Variants in FAM124A observed in about 807,000 individuals in gnomAD.
The protein encoded by FAM124A is family with sequence similarity 124 member A, also known as protein FAM124A.
Under a neutral mutation model 24.5 loss-of-function variants are expected in FAM124A, and 23 were observed. The ratio of observed to expected loss-of-function variants is 0.94; its 90% CI spans 0.68 to 1.33. The LOEUF is 1.33. Ranked by LOEUF, FAM124A falls within the 40% of genes most tolerant of loss-of-function variation. The pLI is 0.00. For synonymous variants in FAM124A, 287 were observed against 314.7 expected (o/e 0.91, Z 0.93); for missense variants, 623 against 722.8 (o/e 0.86, Z 1.58).
At chr13:51,252,490 G>C in intron 3 of FAM124A, 3 of 463,690 alleles carry the variant, frequency 6.5e-6, no homozygotes, top group Non-Finnish European at 1.1e-5. Flanking sequence ...AAACACCCAT[G>C]ACTCCTGGGG....
At chr13:51,270,933 G>A (rs557873707) in intron 3 of FAM124A, among the ~76,000 whole-genome samples, 34 of 152,298 alleles carry the variant, frequency 2.2e-4, no homozygotes, top group Admixed American at 1.5e-3. Context: ...CATAGAAATG[G>A]GTGGAACTGA....
At chr13:51,233,550 G>A (rs993082016) in intron 2 of FAM124A, among the ~76,000 whole-genome samples, 2 of 151,848 alleles carry the variant, frequency 1.3e-5, no homozygotes, top group African/African-American at 4.8e-5. Context: ...GGGTACCGGG[G>A]TGGGGCGGGT....
At chr13:51,262,191 GCCA>G (rs1405050515) in intron 3 of FAM124A, among the ~76,000 whole-genome samples, 1 of 152,234 alleles carries the variant, frequency 6.6e-6, no homozygotes, top group African/African-American at 2.4e-5. Context: ...CCTGCGACCT[GCCA>G]GCTTTGTCAG....
intron 2 of FAM124A, among the ~76,000 whole-genome samples, chr13:51,235,158 T>G (rs1954422871): frequency 1.3e-5 from 2 of 152,356 alleles, no homozygotes; most frequent in Middle Eastern, 3.4e-3. Flanking sequence ...TTTTTATTTT[T>G]ATTTTTTTCA....
At chr13:51,257,170 C>A (rs1461800579) in intron 3 of FAM124A, among the ~76,000 whole-genome samples, 1 of 152,140 alleles carries the variant, frequency 6.6e-6, no homozygotes, top group Non-Finnish European at 1.5e-5. Flanking sequence ...CTTCAATATC[C>A]TGCTTTCAGT....
At chr13:51,248,950 C>T (rs971409608) in intron 2 of FAM124A, among the ~76,000 whole-genome samples, 1 of 152,192 alleles carries the variant, frequency 6.6e-6, no homozygotes, top group Non-Finnish European at 1.5e-5. Flanking sequence ...CAACTTTCCC[C>T]CAACTTGATC....
intron 3 of FAM124A, among the ~76,000 whole-genome samples, chr13:51,276,697 T>C (rs1954888645): frequency 6.6e-6 from 1 of 152,152 alleles, no homozygotes. Context: ...AAGCAAAACA[T>C]GGTATTTTTC....
rs1215890367 is a variant in FAM124A, at chr13:51,251,796, C to T, written c.429C>T (p.Tyr143=). The T allele has an allele frequency of 3.8e-6, 6 of 1,593,966 alleles. No homozygotes were observed. In the East Asian group the frequency reaches 1.4e-4, roughly 36 times the overall value. ...AGGTGCACGGCCGGTTCCTGCCCTACCTGCCCTGCAGCCAGGACTTCTTCA... is the reference window on the plus strand; with the variant it reads ...AGGTGCACGGCCGGTTCCTGCCCTATCTGCCCTGCAGCCAGGACTTCTTCA... ...TEQVHGRFLP[Y]LPCSQDFFTL... Residue 143 remains tyrosine, a synonymous_variant, in exon 3 of 4, where the codon TAC becomes TAT. Coordinates refer to ENST00000322475, the MANE Select transcript of FAM124A (RefSeq NM_001242312.2). The surrounding 1 kb of genome is among the most constrained non-coding windows in gnomAD (Gnocchi z 5.3).
At chr13:51,271,398 G>A (rs527817082) in intron 3 of FAM124A, among the ~76,000 whole-genome samples, 31 of 152,140 alleles carry the variant, frequency 2.0e-4, no homozygotes, top group Middle Eastern at 3.2e-3. Flanking sequence ...TCATGAAAAT[G>A]TAAAGTCATT....
At chr13:51,247,429 T>C (rs928129827) in intron 2 of FAM124A, among the ~76,000 whole-genome samples, 1 of 152,196 alleles carries the variant, frequency 6.6e-6, no homozygotes, top group Non-Finnish European at 1.5e-5. Context: ...CCCCTTTCTA[T>C]GGTGGTTGTA....
Position 51,251,098 on chromosome 13 carries a change from A to G in FAM124A, c.101-370A>G, listed in dbSNP as rs976762450. On this transcript the variant is annotated intron_variant, in intron 2 of 3. Coordinates refer to ENST00000322475, the MANE Select transcript of FAM124A (RefSeq NM_001242312.2). The surrounding 1 kb of genome is among the most constrained non-coding windows in gnomAD (Gnocchi z 5.3). ...AATGGTGTCCACAAGATGCTATGCC[A>G]TCTTTTCTAATGGGCCTGTTGTTCC... Among the ~76,000 whole-genome samples, 1 of 152,250 alleles carries G rather than the reference A, an allele frequency of 6.6e-6. No homozygotes were observed. The highest frequency in any genetic ancestry group is 1.5e-5 in the Non-Finnish European group (1 of 68,038).
intron 2 of FAM124A, among the ~76,000 whole-genome samples, chr13:51,243,294 G>C (rs1223910192): frequency 1.3e-5 from 2 of 152,150 alleles, no homozygotes; most frequent in African/African-American, 4.8e-5. Flanking sequence ...TTAGTTCAAA[G>C]TTTCAAAGAA....
At chr13:51,222,846 C>A (rs1166988868) in intron 1 of FAM124A, among the ~76,000 whole-genome samples, 1 of 152,220 alleles carries the variant, frequency 6.6e-6, no homozygotes, top group Non-Finnish European at 1.5e-5. Context: ...GACCCCTTGT[C>A]TGCATCGCTA....
intron 2 of FAM124A, among the ~76,000 whole-genome samples, chr13:51,246,398 G>GT (rs1954559599): frequency 1.6e-5 from 2 of 125,040 alleles, no homozygotes; most frequent in South Asian, 2.8e-4. Flanking sequence ...CATGTTTCTC[G>GT]TGGGGTGGGG....
intron 3 of FAM124A, among the ~76,000 whole-genome samples, chr13:51,255,613 G>A (rs1954666755): frequency 6.6e-6 from 1 of 152,206 alleles, no homozygotes; most frequent in Non-Finnish European, 1.5e-5. Flanking sequence ...TCAGAGTCCT[G>A]GAAGCAAAGT....
rs1326797946 is a variant in FAM124A at position 51,231,399 on chromosome 13, C to T, written c.100+20C>T. ...CGAGCAGTAAGTATCTTTTAAACAT[C>T]CTTCAGCATTGTCTAACGGTCCCCG... is the stretch of plus-strand genomic sequence containing the variant. On this transcript the variant is annotated intron_variant, in intron 2 of 3. Coordinates refer to ENST00000322475, the MANE Select transcript of FAM124A (RefSeq NM_001242312.2). The T allele has an allele frequency of 5.6e-6, 9 of 1,613,524 alleles. No individual in the cohort carries two copies. Among genetic ancestry groups the T allele is most frequent in the Non-Finnish European group, 7.6e-6 (9 of 1,179,832 alleles).
intron 3 of FAM124A, among the ~76,000 whole-genome samples, chr13:51,264,812 C>T (rs1267055276): frequency 6.6e-6 from 1 of 152,184 alleles, no homozygotes; most frequent in African/African-American, 2.4e-5. Context: ...AGATGTCCAT[C>T]ACATTTACTA....
At chr13:51,271,766 C>G (rs1201900586) in intron 3 of FAM124A, among the ~76,000 whole-genome samples, 1 of 152,152 alleles carries the variant, frequency 6.6e-6, no homozygotes, top group Admixed American at 6.5e-5. Flanking sequence ...CTGGCAAATA[C>G]GTGTGTTCAC....
intron 2 of FAM124A, among the ~76,000 whole-genome samples, chr13:51,239,224 A>G (rs1954466782): frequency 6.6e-6 from 1 of 152,212 alleles, no homozygotes; most frequent in Non-Finnish European, 1.5e-5. Flanking sequence ...TTTGCTACCC[A>G]AATAATACAT....
Sources: gnomAD v4.1 joint callset for allele counts (sites outside exome capture counted in the v4.1 genomes callset) on GRCh38, gnomAD v4.1.1 for gene constraint, Gnocchi (gnomAD v3.1) non-coding constraint, MANE v1.5 for transcripts, NCBI Gene and HGNC (gene_info 2026-07-23, HGNC 2026-07-21) for gene names.